Variants in SRGAP2C observed in about 807,000 individuals in gnomAD.
The protein encoded by SRGAP2C is SLIT-ROBO Rho GTPase activating protein 2C.
SRGAP2C carries 15 observed loss-of-function variants against 25.1 expected under a neutral mutation model. The observed-to-expected ratio is 0.60, with a 90% CI of 0.40 to 0.92. The LOEUF (loss-of-function observed/expected upper bound fraction) is 0.92, where lower values mean the gene tolerates loss of function less well. SRGAP2C is among the 40% of genes least tolerant of loss of function. The pLI is 0.00. For synonymous variants in SRGAP2C, 44 were observed against 96.6 expected (o/e 0.46, Z 3.19); for missense variants, 144 against 264.4 (o/e 0.54, Z 3.16).
At position 121,239,235 on chromosome 1, in the gene SRGAP2C, ATATATATATAC is replaced by A. The variant is rs1259787219; in HGVS notation, c.68-45557_68-45547del. Among the ~76,000 whole-genome samples the A allele has an allele frequency of 1.0e-3, 6 of 5,804 alleles. 1 individual carries two copies. The highest frequency in any genetic ancestry group is 1.0e-2 in the African/African-American group (5 of 502). The allele number at this position is 5,804 out of a possible 152,430, so 3.8% of individuals were successfully genotyped here. ...ATATATATATATATATATACTATAT[ATATATATATAC>A]TATATATATATATATATATACTATA... On this transcript the variant is annotated intron_variant, in intron 2 of 9. Coordinates refer to ENST00000367123, the MANE Select transcript of SRGAP2C (RefSeq NM_001329984.2).
chr1:121,211,461 A>G (rs1553323710), intron 2 of SRGAP2C, among the ~76,000 whole-genome samples: 1 of 146,168 alleles, frequency 6.8e-6, no homozygotes, highest in Non-Finnish European at 1.5e-5. Flanking sequence ...ACACACACAC[A>G]TCTTACCTTA....
rs1366791457 is a variant in SRGAP2C at position 121,304,110 on chromosome 1, C to T, written c.260+19115C>T. 1.3e-4 allele frequency among the ~76,000 whole-genome samples: 19 copies of T among 150,666 alleles called. 1 individual carries two copies. The highest frequency in any genetic ancestry group is 2.4e-4 in the Non-Finnish European group (16 of 67,822). On this transcript the variant is annotated intron_variant, in intron 3 of 9. Coordinates refer to ENST00000367123, the MANE Select transcript of SRGAP2C (RefSeq NM_001329984.2). ...CATGTGGTCCCAGCTACTGGGGAGG[C>T]TGAGGCAGGAGAATGGGGTGAACCC...
intron 2 of SRGAP2C, among the ~76,000 whole-genome samples, chr1:121,283,512 C>G (rs1357823081): frequency 1.3e-5 from 2 of 151,738 alleles, no homozygotes; most frequent in Non-Finnish European, 2.9e-5. Context: ...AAACTCTAGA[C>G]CCCCTCTCCC....
chr1:121,287,802 C>A (rs1479142339), intron 3 of SRGAP2C, among the ~76,000 whole-genome samples: 1 of 151,974 alleles, frequency 6.6e-6, no homozygotes, highest in Non-Finnish European at 1.5e-5. Context: ...TTCATGGTCT[C>A]GCTGGCTCAG....
At chr1:121,210,021 G>T (rs1478741323) in intron 2 of SRGAP2C, among the ~76,000 whole-genome samples, 1 of 150,904 alleles carries the variant, frequency 6.6e-6, no homozygotes, top group Non-Finnish European at 1.5e-5. Context: ...GTTTAACAGT[G>T]TTGGGTTCAT....
intron 3 of SRGAP2C, among the ~76,000 whole-genome samples, chr1:121,286,711 C>T (rs1342333445): frequency 2.6e-5 from 4 of 152,128 alleles, no homozygotes; most frequent in African/African-American, 7.2e-5. Context: ...TTGGGAAATG[C>T]TGTTCCATTC....
At chr1:121,375,990 C>A (rs1169929629) in intron 7 of SRGAP2C, among the ~76,000 whole-genome samples, 1 of 149,962 alleles carries the variant, frequency 6.7e-6, no homozygotes, top group Non-Finnish European at 1.5e-5. Flanking sequence ...TTGCAAGGGG[C>A]AAGCGCAGAG....
chr1:121,188,415 G>A (rs1383957062), intron 2 of SRGAP2C, among the ~76,000 whole-genome samples: 4 of 150,910 alleles, frequency 2.7e-5, no homozygotes, highest in Non-Finnish European at 5.9e-5. Flanking sequence ...AATTCCCATA[G>A]GAAGGGTTCC....
Position 121,391,974 on chromosome 1 carries a change from A to G in SRGAP2C, c.*4119A>G, listed in dbSNP as rs1327665078. 1 of 152,288 alleles carries G rather than the reference A, an allele frequency of 6.6e-6. No individual in the cohort carries two copies. Among genetic ancestry groups the G allele is most frequent in the African/African-American group, 2.4e-5 (1 of 41,484 alleles). The allele number at this position is 152,288 out of a possible 1,614,324, so 9.4% of individuals were successfully genotyped here. ...ACATAAACAAAGAAATAAAGGAATC[A>G]GAAAAAATATTAAAAAGTAGGAATA... On this transcript the variant is annotated 3_prime_UTR_variant, in exon 10 of 10. Transcript: ENST00000367123.
chr1:121,214,623 CCT>C (rs1478970248), intron 2 of SRGAP2C, among the ~76,000 whole-genome samples: 1 of 74,376 alleles, frequency 1.3e-5, no homozygotes, highest in African/African-American at 6.0e-5. Flanking sequence ...CCCAATTCCC[CCT>C]GTCTTTTGAT....
intron 4 of SRGAP2C, among the ~76,000 whole-genome samples, chr1:121,355,166 A>T (rs1553347288): frequency 6.8e-6 from 1 of 146,458 alleles, no homozygotes. Context: ...ATAAATCATC[A>T]CCCCAATGAG....
At chr1:121,379,086 T>C (rs587677347) in intron 7 of SRGAP2C, among the ~76,000 whole-genome samples, 2 of 152,324 alleles carry the variant, frequency 1.3e-5, no homozygotes, top group East Asian at 1.9e-4. Context: ...GCTGGAGTGT[T>C]GTAAGTGCCG....
chr1:121,191,309 C>T (rs1654668886), intron 2 of SRGAP2C, among the ~76,000 whole-genome samples: 1 of 151,894 alleles, frequency 6.6e-6, no homozygotes, highest in Non-Finnish European at 1.5e-5. Flanking sequence ...CTTCTGTATA[C>T]TTTAAATCAT....
intron 2 of SRGAP2C, among the ~76,000 whole-genome samples, chr1:121,258,258 A>G (rs1354379584): frequency 2.3e-4 from 35 of 151,836 alleles, no homozygotes; most frequent in Middle Eastern, 3.4e-3. Context: ...TGAGTTCCAC[A>G]GTGAAACTGA....
At chr1:121,258,232 A>C (rs1656526806) in intron 2 of SRGAP2C, among the ~76,000 whole-genome samples, 3 of 151,314 alleles carry the variant, frequency 2.0e-5, no homozygotes, top group Non-Finnish European at 4.4e-5. Context: ...AAATAAACCT[A>C]CCTCTCTCCA....
At chr1:121,289,183 G>A (rs1472618652) in intron 3 of SRGAP2C, among the ~76,000 whole-genome samples, 6 of 149,540 alleles carry the variant, frequency 4.0e-5, no homozygotes, top group South Asian at 4.2e-4. Flanking sequence ...GGCTCCGGCC[G>A]CACAGGAGCC....
At chr1:121,263,680 C>G (rs1553333882) in intron 2 of SRGAP2C, among the ~76,000 whole-genome samples, 1 of 151,730 alleles carries the variant, frequency 6.6e-6, no homozygotes, top group African/African-American at 2.4e-5. Context: ...CAGATTGAAT[C>G]AAATGCTAAG....
At chr1:121,291,178 A>G (rs1657484339) in intron 3 of SRGAP2C, among the ~76,000 whole-genome samples, 1 of 127,156 alleles carries the variant, frequency 7.9e-6, no homozygotes, top group Non-Finnish European at 1.7e-5. Flanking sequence ...TCAAGAAACT[A>G]AATAGGACTG....
intron 2 of SRGAP2C, among the ~76,000 whole-genome samples, chr1:121,275,930 G>GA (rs1553336085): frequency 8.8e-6 from 1 of 113,030 alleles, no homozygotes; most frequent in African/African-American, 3.6e-5. Context: ...GTCCATCAGA[G>GA]AAAACTACAG....
Sources: gnomAD v4.1 joint callset for allele counts (sites outside exome capture counted in the v4.1 genomes callset) on GRCh38, gnomAD v4.1.1 for gene constraint, MANE v1.5 for transcripts, NCBI Gene and HGNC (gene_info 2026-07-23, HGNC 2026-07-21) for gene names.